Variants in CRB1 observed in about 807,000 individuals in gnomAD.
The protein encoded by CRB1 is crumbs cell polarity complex component 1, also known as protein crumbs homolog 1.
Under a neutral mutation model 120.0 loss-of-function variants are expected in CRB1, and 83 were observed. The observed-to-expected ratio is 0.69, with a 90% CI of 0.58 to 0.83. CRB1 has a LOEUF of 0.83. Among genes scored for constraint, CRB1 ranks in the 40% least tolerant of loss-of-function variants. The probability of loss-of-function intolerance (pLI) is 0.00; values close to 1 mark genes in which losing one functional copy is unlikely to be tolerated. For missense variants in CRB1, 1,699 were observed against 1,687.6 expected (o/e 1.01, Z -0.12); for synonymous variants, 625 against 612.5 (o/e 1.02, Z -0.30).
In CRB1 at chr1:197,323,830, T is replaced by C. The variant is rs372421412; in HGVS notation, c.71-4592T>C. On this transcript the variant is annotated intron_variant, in intron 1 of 11. Transcript: ENST00000367400. ...CCAAGCCAGACCCTGTGCTTAGGTG[T>C]GTAGGCTGTGTAAAGGAGGACCCAG... 9.2e-5 allele frequency among the ~76,000 whole-genome samples: 14 copies of C among 152,222 alleles called. No homozygotes were observed. In the East Asian group the frequency reaches 1.4e-3, roughly 15 times the overall value.
At chr1:197,342,595 T>C (rs762851887) in intron 2 of CRB1, among the ~76,000 whole-genome samples, 2 of 152,232 alleles carry the variant, frequency 1.3e-5, no homozygotes, top group Non-Finnish European at 2.9e-5. Context: ...CGCTGGCTGC[T>C]CCAAATTTTT....
At chr1:197,229,959 T>C in the CRB1 span, among the ~76,000 whole-genome samples, 1 of 152,234 alleles carries the variant, frequency 6.6e-6, no homozygotes, top group Non-Finnish European at 1.5e-5. Context: ...CCATATGTAA[T>C]AACAGTAGCA....
chr1:197,471,137 G>A (rs566125572), intron 11 of CRB1, among the ~76,000 whole-genome samples: 3 of 151,896 alleles, frequency 2.0e-5, no homozygotes, highest in Admixed American at 1.3e-4. Context: ...ATATCAGAAG[G>A]TTCCCAGGAA....
Position 197,405,754 on chromosome 1 carries a change from C to A in CRB1, c.1172-15246C>A, listed in dbSNP as rs188579526. ...CTGTCTGAGAAGTGAGGAGACCCTC[C>A]GCCTGGCAACCGCCCCATCTGAGAA... On this transcript the variant is annotated intron_variant, in intron 5 of 11. Coordinates refer to ENST00000367400, the MANE Select transcript of CRB1 (RefSeq NM_201253.3). Among the ~76,000 whole-genome samples, 4 of 150,310 alleles carry A rather than the reference C, an allele frequency of 2.7e-5. No homozygotes were observed. The South Asian group carries it at 8.4e-4, about 32-fold the overall frequency.
chr1:197,235,130 C>T, the CRB1 span, among the ~76,000 whole-genome samples: 2 of 152,200 alleles, frequency 1.3e-5, no homozygotes, highest in South Asian at 2.1e-4. Flanking sequence ...ATATGGGAAC[C>T]AAAGGGTAAA....
intron 5 of CRB1, among the ~76,000 whole-genome samples, chr1:197,375,461 T>C (rs980587510): frequency 2.0e-5 from 3 of 152,114 alleles, no homozygotes; most frequent in African/African-American, 7.2e-5. Flanking sequence ...CAAAGTTGCT[T>C]GCTGCAAAAA....
the CRB1 span, among the ~76,000 whole-genome samples, chr1:197,220,233 A>G: frequency 6.6e-6 from 1 of 152,254 alleles, no homozygotes; most frequent in African/African-American, 2.4e-5. Context: ...ATAATAAAAC[A>G]AATTGGATAA....
At chr1:197,434,167 G>C (rs1255277973) in intron 8 of CRB1, among the ~76,000 whole-genome samples, 2 of 152,112 alleles carry the variant, frequency 1.3e-5, no homozygotes, top group African/African-American at 4.8e-5. Context: ...GTTTTACCAG[G>C]TAAGTAAATC....
intron 1 of CRB1, among the ~76,000 whole-genome samples, chr1:197,291,826 C>T (rs2125238601): frequency 6.6e-6 from 1 of 151,704 alleles, no homozygotes; most frequent in East Asian, 1.9e-4. Context: ...TTTGCTTTCC[C>T]ATCTATATTC....
the CRB1 span, among the ~76,000 whole-genome samples, chr1:197,249,723 C>T: frequency 6.6e-6 from 1 of 151,912 alleles, no homozygotes. Context: ...CTAAATCAGA[C>T]AAAAATTGTA....
intron 2 of CRB1, among the ~76,000 whole-genome samples, chr1:197,331,739 AACT>A (rs1658866772): frequency 6.6e-6 from 1 of 152,230 alleles, no homozygotes; most frequent in Non-Finnish European, 1.5e-5. Context: ...CATTCATTTC[AACT>A]ATAGTATTGT....
chr1:197,372,243 A>G (rs1661408893), intron 5 of CRB1, among the ~76,000 whole-genome samples: 1 of 152,164 alleles, frequency 6.6e-6, no homozygotes, highest in Non-Finnish European at 1.5e-5. Flanking sequence ...TCCCAGGGGC[A>G]CCAATCATCA....
rs911156007 is a variant in CRB1, at chr1:197,347,405, G to C, written c.914G>C (p.Cys305Ser). The change falls in exon 4 of 12, where the codon TGT (cysteine) becomes TCT (serine). Residue 305 changes from cysteine to serine, a missense_variant. By Grantham distance (112) the Cys-to-Ser change is moderately radical. Transcript: ENST00000367400. ...CACTGTGAGACCTTGATGCCTCTTTGTTGGTCAAAACCTTGTCACAATAAT... is the reference window on the plus strand; with the variant it reads ...CACTGTGAGACCTTGATGCCTCTTTCTTGGTCAAAACCTTGTCACAATAAT... The part of the protein sequence containing the change: ...GTHCETLMPL[C>S]WSKPCHNNAT... The C allele has an allele frequency of 6.2e-7, 1 of 1,613,958 alleles. No homozygotes were observed. The highest frequency in any genetic ancestry group is 1.3e-5 in the African/African-American group (1 of 74,928).
chr1:197,262,637 G>A, the CRB1 span, among the ~76,000 whole-genome samples: 1 of 152,066 alleles, frequency 6.6e-6, no homozygotes, highest in Admixed American at 6.6e-5. Context: ...CATTGCCCAG[G>A]TAGTGAGCAT....
At chr1:197,467,377 TTACCAC>T (rs1666795285) in intron 11 of CRB1, among the ~76,000 whole-genome samples, 2 of 152,254 alleles carry the variant, frequency 1.3e-5, no homozygotes, top group South Asian at 4.2e-4. Context: ...TCATGACACT[TTACCAC>T]TAAGTATTTT....
At chr1:197,385,845 A>C (rs968587612) in intron 5 of CRB1, among the ~76,000 whole-genome samples, 2 of 152,060 alleles carry the variant, frequency 1.3e-5, no homozygotes, top group Non-Finnish European at 2.9e-5. Context: ...AAAATGATAG[A>C]GAACAGTTCA....
intron 11 of CRB1, among the ~76,000 whole-genome samples, chr1:197,468,895 C>T (rs141775299): frequency 3.2e-4 from 49 of 151,890 alleles, no homozygotes; most frequent in Non-Finnish European, 5.1e-4. Context: ...ATTGAATAAA[C>T]GGCATGTTTC....
chr1:197,206,607 G>A, the CRB1 span, among the ~76,000 whole-genome samples: 1 of 152,064 alleles, frequency 6.6e-6, no homozygotes, highest in Non-Finnish European at 1.5e-5. Flanking sequence ...ATCTGAAAGA[G>A]TACTTTTATA....
intron 7 of CRB1, 135 bp downstream of exon 7, chr1:197,428,136 C>T (rs1431853524): frequency 1.3e-6 from 1 of 792,204 alleles, no homozygotes. Context: ...AATATTTCAT[C>T]TATATTGTTC....
Sources: allele counts gnomAD v4.1 joint callset (sites outside exome capture counted in the v4.1 genomes callset), GRCh38; gene constraint gnomAD v4.1.1; transcripts MANE v1.5; gene names NCBI Gene and HGNC (gene_info 2026-07-23, HGNC 2026-07-21).